CELF2: variants seen among roughly 807,000 people sequenced by gnomAD.
CELF2 encodes the protein CUG triplet repeat RNA-binding protein 2.
Under a neutral mutation model 62.6 loss-of-function variants are expected in CELF2, and 8 were observed. The ratio of observed to expected loss-of-function variants is 0.13; its 90% CI spans 0.07 to 0.23. The LOEUF (loss-of-function observed/expected upper bound fraction) is 0.23. Ranked by LOEUF, CELF2 falls within the 10% of genes least tolerant of loss-of-function variation. The pLI is 1.00. For synonymous variants in CELF2, 258 were observed against 250.0 expected, an observed-to-expected ratio of 1.03 and a Z score of -0.30; for missense variants, 333 against 671.0, an observed-to-expected ratio of 0.50 and a Z score of 5.56.
At chr10:10,603,555 A>G in the CELF2 span, among the ~76,000 whole-genome samples, 1 of 152,166 alleles carries the variant, frequency 6.6e-6, no homozygotes, top group Non-Finnish European at 1.5e-5. Context: ...ATTATCACAA[A>G]AGTAGACTTT....
intron 1 of CELF2, among the ~76,000 whole-genome samples, chr10:10,819,986 G>A (rs996736355): frequency 6.6e-6 from 1 of 152,128 alleles, no homozygotes; most frequent in Non-Finnish European, 1.5e-5. Flanking sequence ...TGTGTTGTGG[G>A]AGGGACCCAG....
upstream of CELF2, among the ~76,000 whole-genome samples, chr10:11,015,375 T>G (rs1462041540): frequency 1.3e-5 from 2 of 152,186 alleles, no homozygotes; most frequent in African/African-American, 2.4e-5. This position sits in a 1 kb window ranked among gnomAD's most constrained non-coding sequence, Gnocchi z 4.8. Flanking sequence ...ATATTAGAAA[T>G]GAAAGCTACA....
intron 1 of CELF2, among the ~76,000 whole-genome samples, chr10:11,092,794 C>T (rs1166276713): frequency 5.3e-5 from 8 of 152,274 alleles, no homozygotes; most frequent in African/African-American, 1.7e-4. Flanking sequence ...TCACAAATGC[C>T]AAGATGCCAC....
intron 1 of CELF2, among the ~76,000 whole-genome samples, chr10:10,876,735 TCTC>T: frequency 6.6e-6 from 1 of 152,340 alleles, no homozygotes; most frequent in Admixed American, 6.5e-5. Flanking sequence ...TCTCTTATGT[TCTC>T]CTCTTCTTTC....
intron 1 of CELF2, among the ~76,000 whole-genome samples, chr10:10,861,402 T>A (rs931442857): frequency 6.6e-6 from 1 of 152,196 alleles, no homozygotes; most frequent in Non-Finnish European, 1.5e-5. Flanking sequence ...TAGGTTGCAG[T>A]GGATTTATGT....
intron 1 of CELF2, among the ~76,000 whole-genome samples, chr10:10,878,328 C>T (rs1280819991): frequency 6.6e-6 from 1 of 152,184 alleles, no homozygotes; most frequent in Non-Finnish European, 1.5e-5. Context: ...TGAGCAACCT[C>T]AGATGGGAAA....
chr10:11,085,964 CCAATAA>C (rs1429196833), intron 1 of CELF2, among the ~76,000 whole-genome samples: 3 of 152,080 alleles, frequency 2.0e-5, no homozygotes. Flanking sequence ...AGCGACAGTA[CCAATAA>C]CAAGTTCATT....
At chr10:11,284,374 G>A (rs1387714772) in intron 8 of CELF2, among the ~76,000 whole-genome samples, 1 of 150,920 alleles carries the variant, frequency 6.6e-6, no homozygotes, top group African/African-American at 2.4e-5. Flanking sequence ...ATGAGTGTGT[G>A]GTGGGTGGAT....
At chr10:10,513,204 TG>T in the CELF2 span, among the ~76,000 whole-genome samples, 1 of 152,192 alleles carries the variant, frequency 6.6e-6, no homozygotes, top group African/African-American at 2.4e-5. Flanking sequence ...CCTTTTTTGT[TG>T]TTTTTTTTAT....
At chr10:10,872,188 C>T (rs973799029) in intron 1 of CELF2, among the ~76,000 whole-genome samples, 1 of 152,154 alleles carries the variant, frequency 6.6e-6, no homozygotes, top group Non-Finnish European at 1.5e-5. Context: ...AGTACTTAAT[C>T]AGACTCCGGC....
At chr10:10,785,636 A>G in the CELF2 span, among the ~76,000 whole-genome samples, 1 of 152,172 alleles carries the variant, frequency 6.6e-6, no homozygotes, top group Non-Finnish European at 1.5e-5. Context: ...AAAAACAAAC[A>G]CTGCATGGTC....
intron 2 of CELF2, among the ~76,000 whole-genome samples, chr10:10,960,840 G>A (rs201079): frequency 0.14 from 21,407 of 152,088 alleles, 5,031 homozygotes; most frequent in African/African-American, 0.49. Context: ...TTTTAACTGG[G>A]CATTAGCTTT....
At chr10:10,870,269 A>G (rs895867323) in intron 1 of CELF2, among the ~76,000 whole-genome samples, 6 of 152,192 alleles carry the variant, frequency 3.9e-5, no homozygotes, top group African/African-American at 1.4e-4. Flanking sequence ...TTTGGTATAT[A>G]TAAAAAAAGG....
chr10:11,045,179 C>T (rs1195114100), intron 1 of CELF2, among the ~76,000 whole-genome samples: 2 of 152,186 alleles, frequency 1.3e-5, no homozygotes, highest in African/African-American at 4.8e-5. Context: ...GGTAGGATCT[C>T]ACTCTGTTGC....
chr10:10,639,492 A>G, the CELF2 span, among the ~76,000 whole-genome samples: 79 of 152,314 alleles, frequency 5.2e-4, no homozygotes, highest in African/African-American at 1.8e-3. Flanking sequence ...CTCACAAGGC[A>G]CTGATGCAAA....
intron 1 of CELF2, among the ~76,000 whole-genome samples, chr10:11,141,517 A>G (rs1398947426): frequency 6.6e-6 from 1 of 152,262 alleles, no homozygotes; most frequent in East Asian, 1.9e-4. Context: ...CTGGTGCAAC[A>G]GAAGCAGATT....
At chr10:10,489,402 C>T in the CELF2 span, among the ~76,000 whole-genome samples, 2 of 152,068 alleles carry the variant, frequency 1.3e-5, no homozygotes, top group African/African-American at 4.8e-5. Flanking sequence ...TAAAACTAGA[C>T]TACATTTTTC....
the CELF2 span, among the ~76,000 whole-genome samples, chr10:10,704,049 C>CT: frequency 1.3e-5 from 2 of 152,212 alleles, no homozygotes; most frequent in African/African-American, 4.8e-5. Context: ...GGTGGAACTT[C>CT]TATCACTCTC....
At chr10:10,495,112 T>TA in the CELF2 span, among the ~76,000 whole-genome samples, 20,171 of 149,626 alleles carry the variant, frequency 0.13, 2,804 homozygotes, top group African/African-American at 0.36. Context: ...CCGTCTCTAC[T>TA]AAAAAAAAAA....
Sources: gnomAD v4.1 joint callset for allele counts (sites outside exome capture counted in the v4.1 genomes callset) on GRCh38, gnomAD v4.1.1 for gene constraint, Gnocchi (gnomAD v3.1) non-coding constraint, MANE v1.5 for transcripts, NCBI Gene and HGNC (gene_info 2026-07-23, HGNC 2026-07-21) for gene names.